The following MTRR variants were observed in gnomAD, a reference collection of about 807,000 sequenced individuals.
The protein encoded by MTRR is methionine synthase reductase.
Under a neutral mutation model 79.2 loss-of-function variants are expected in MTRR, and 63 were observed. That is an observed-to-expected ratio of 0.80 (90% CI 0.65 to 0.98). The LOEUF is 0.98. Among genes scored for constraint, MTRR ranks in the 50% least tolerant of loss-of-function variants. MTRR has a pLI of 0.00. For synonymous variants in MTRR, 355 were observed against 313.3 expected (o/e 1.13, Z -1.41); for missense variants, 895 against 839.6 (o/e 1.07, Z -0.82).
intron 2 of MTRR, chr5:7,872,196 C>T (rs775961851): frequency 1.1e-4 from 47 of 446,616 alleles, no homozygotes; most frequent in African/African-American, 3.8e-4. Context: ...TTAAATACTT[C>T]GGTAAAAAGT....
chr5:7,873,223 C>A, intron 2 of MTRR, 150 bp from the exon 3 acceptor site: 2 of 876,654 alleles, frequency 2.3e-6, no homozygotes, highest in South Asian at 1.4e-5. Flanking sequence ...AAGCTGAGAG[C>A]GCCTAGTCAC....
intron 3 of MTRR, among the ~76,000 whole-genome samples, chr5:7,873,937 G>C (rs1028881674): frequency 3.9e-5 from 6 of 152,160 alleles, no homozygotes; most frequent in Non-Finnish European, 7.3e-5. Context: ...GATTCTCCCA[G>C]AATGAATGAT....
chr5:7,900,217 A>C lies in MTRR; in HGVS notation c.*159A>C. 1.2e-6 allele frequency: 1 copy of C among 815,284 alleles called. No individual in the cohort carries two copies. Among genetic ancestry groups the C allele is most frequent in the Non-Finnish European group, 1.9e-6 (1 of 526,864 alleles). 50.5% of individuals were successfully genotyped at this position (815,284 alleles called of 1,614,324 possible). A position where few individuals can be genotyped will look rare whatever the true frequency, so the allele number is the denominator to read the frequency against. On this transcript the variant is annotated 3_prime_UTR_variant, in exon 15 of 15. Coordinates refer to ENST00000440940, the MANE Select transcript of MTRR (RefSeq NM_002454.3). ...TTGGATCATTTAACAATATAACAAA[A>C]CTTCCTGATTTGATTTTACGTATCT... is the stretch of plus-strand genomic sequence containing the variant.
At chr5:7,873,164 A>G (rs1196413256) in intron 2 of MTRR, among the ~76,000 whole-genome samples, 1 of 152,228 alleles carries the variant, frequency 6.6e-6, no homozygotes, top group Non-Finnish European at 1.5e-5. Flanking sequence ...CATCAACAAA[A>G]CAGACGCATG....
chr5:7,868,716 G>A (rs531555187), upstream of MTRR, among the ~76,000 whole-genome samples: 3 of 152,366 alleles, frequency 2.0e-5, no homozygotes, highest in East Asian at 5.8e-4. Context: ...GATCAATGAA[G>A]GGAGAAGGTG....
chr5:7,883,114 T>C (rs1401839276), intron 5 of MTRR, 41 bp from the exon 6 acceptor site: 7 of 1,613,974 alleles, frequency 4.3e-6, no homozygotes, highest in Non-Finnish European at 5.9e-6. Flanking sequence ...AAGGGTATAA[T>C]TGAAAATTGC....
At chr5:7,896,735 C>T in intron 12 of MTRR, 129 bp from the exon 13 acceptor site, 1 of 776,228 alleles carries the variant, frequency 1.3e-6, no homozygotes, top group Non-Finnish European at 2.2e-6. Context: ...AATTAAATGA[C>T]TGAATGTTCA....
intron 9 of MTRR, 84 bp from the exon 10 acceptor site, chr5:7,891,287 GA>G (rs1485971294): frequency 5.8e-6 from 4 of 684,020 alleles, no homozygotes; most frequent in East Asian, 3.2e-5. Context: ...ATAAGACATG[GA>G]ATTTTTTTTT....
At chr5:7,864,483 AAG>A (rs1048393727), upstream of MTRR, among the ~76,000 whole-genome samples, 1 of 152,184 alleles carries the variant, frequency 6.6e-6, no homozygotes, top group Non-Finnish European at 1.5e-5. Context: ...AAAGTAATAA[AAG>A]AGTACAAATC....
intron 1 of MTRR, among the ~76,000 whole-genome samples, chr5:7,854,737 T>G (rs1360251372): frequency 2.6e-5 from 4 of 152,152 alleles, no homozygotes; most frequent in Non-Finnish European, 4.4e-5. Flanking sequence ...GGTCGGGACG[T>G]AGAGCCAAAC....
chr5:7,858,545 T>C (rs569920808), intron 1 of MTRR, among the ~76,000 whole-genome samples: 3 of 152,262 alleles, frequency 2.0e-5, no homozygotes, highest in African/African-American at 7.2e-5. Context: ...TAAAGATAAG[T>C]AAATAGACCC....
At chr5:7,870,653 C>A in intron 1 of MTRR, 117 bp from the exon 2 acceptor site, 1 of 1,103,208 alleles carries the variant, frequency 9.1e-7, no homozygotes, top group Non-Finnish European at 1.3e-6. Flanking sequence ...TAGAAAAGGC[C>A]ATTTCATATT....
Position 7,897,217 on chromosome 5 carries a change from T to C in MTRR, c.1922T>C (p.Leu641Pro), listed in dbSNP as rs1314261918. ...GGCCAGCAGGTGGCGAGAATCCTCC[T>C]CCAGGAGAACGGCCATATTTATGTG... ...LHGQQVARIL[L>P]QENGHIYVCG... Residue 641 changes from leucine to proline, a missense_variant, in exon 14 of 15, where the codon CTC becomes CCC. Leu to Pro is a moderately conservative substitution (Grantham distance 98, BLOSUM62 -3). Coordinates refer to ENST00000440940, the MANE Select transcript of MTRR (RefSeq NM_002454.3). The C allele has an allele frequency of 1.2e-6, 2 of 1,614,092 alleles. No individual in the cohort carries two copies. The highest frequency in any genetic ancestry group is 1.7e-6 in the Non-Finnish European group (2 of 1,180,008).
At chr5:7,872,839 T>A (rs1427745434) in intron 2 of MTRR, among the ~76,000 whole-genome samples, 1 of 152,196 alleles carries the variant, frequency 6.6e-6, no homozygotes, top group Admixed American at 6.5e-5. Context: ...TTCCTTGCTT[T>A]TTTTTACTTT....
intron 8 of MTRR, among the ~76,000 whole-genome samples, chr5:7,887,793 C>CATATATACATATATATATATATATATAT (rs1491410388): frequency 1.6e-4 from 15 of 92,020 alleles, no homozygotes; most frequent in South Asian, 7.9e-4. Flanking sequence ...TGTGTGTGTG[C>CATATATACATATATATATATATATATAT]ATATATATAT....
chr5:7,875,150 A>G, intron 3 of MTRR, 108 bp from the exon 4 acceptor site: 4 of 817,380 alleles, frequency 4.9e-6, no homozygotes, highest in Non-Finnish European at 6.4e-6. Context: ...TTATTACTCC[A>G]TCCATAAGAG....
intron 6 of MTRR, among the ~76,000 whole-genome samples, chr5:7,884,388 G>A (rs1329079239): frequency 6.6e-6 from 1 of 152,044 alleles, no homozygotes; most frequent in East Asian, 1.9e-4. Context: ...TACAGTATTT[G>A]TATATAATCT....
At chr5:7,885,596 C>A in intron 6 of MTRR, 105 bp from the exon 7 acceptor site, 3 of 1,023,726 alleles carry the variant, frequency 2.9e-6, no homozygotes, top group Non-Finnish European at 4.3e-6. Context: ...TCTGAGTTCA[C>A]ATATTAAAAT....
chr5:7,858,230 A>G (rs1182731921), intron 1 of MTRR, among the ~76,000 whole-genome samples: 1 of 152,170 alleles, frequency 6.6e-6, no homozygotes, highest in Non-Finnish European at 1.5e-5. Flanking sequence ...GAGGTGTGAA[A>G]GGGGTTTCTG....
Sources: allele counts gnomAD v4.1 joint callset (sites outside exome capture counted in the v4.1 genomes callset), GRCh38; gene constraint gnomAD v4.1.1; transcripts MANE v1.5; gene names NCBI Gene and HGNC (gene_info 2026-07-23, HGNC 2026-07-21).